Variants in GALNTL6 observed in about 807,000 individuals in gnomAD.
GALNTL6 encodes polypeptide N-acetylgalactosaminyltransferase-like 6.
Under a neutral mutation model 73.7 loss-of-function variants are expected in GALNTL6, and 46 were observed. The observed-to-expected ratio is 0.62, with a 90% CI of 0.49 to 0.80. The LOEUF is 0.80. Ranked by LOEUF, GALNTL6 falls within the 30% of genes least tolerant of loss-of-function variation. The pLI, the probability that GALNTL6 is intolerant of heterozygous loss-of-function variation, is 0.00. For synonymous variants in GALNTL6, 259 were observed against 263.7 expected (o/e 0.98, Z 0.17); for missense variants, 604 against 755.0 (o/e 0.80, Z 2.34).
At chr4:172,898,428 C>A (rs1746445626) in intron 8 of GALNTL6, among the ~76,000 whole-genome samples, 1 of 150,364 alleles carries the variant, frequency 6.7e-6, no homozygotes, top group African/African-American at 2.4e-5. Flanking sequence ...AGGTTATACT[C>A]CAAACTATCA....
chr4:172,042,158 T>A (rs905741404), intron 2 of GALNTL6, among the ~76,000 whole-genome samples: 4 of 152,002 alleles, frequency 2.6e-5, no homozygotes, highest in Non-Finnish European at 4.4e-5. Flanking sequence ...CTATTCCAAC[T>A]CTTAATCCCA....
intron 5 of GALNTL6, among the ~76,000 whole-genome samples, chr4:172,751,937 T>C (rs1185369453): frequency 3.9e-5 from 6 of 152,032 alleles, no homozygotes; most frequent in Non-Finnish European, 8.8e-5. Flanking sequence ...GCAAGAACTC[T>C]TTCATTAAAA....
intron 2 of GALNTL6, among the ~76,000 whole-genome samples, chr4:171,893,814 T>C (rs1736826349): frequency 1.3e-5 from 2 of 152,306 alleles, no homozygotes; most frequent in East Asian, 3.9e-4. Context: ...TACAGACTGC[T>C]AAACTGAAAA....
intron 5 of GALNTL6, among the ~76,000 whole-genome samples, chr4:172,770,836 A>G (rs10025441): frequency 0.48 from 72,915 of 152,024 alleles, 18,322 homozygotes; most frequent in African/African-American, 0.63. Context: ...TTGACATTAA[A>G]TGTTATCATC....
intron 12 of GALNTL6, among the ~76,000 whole-genome samples, chr4:173,023,687 G>C (rs774629334): frequency 4.0e-5 from 6 of 151,892 alleles, no homozygotes; most frequent in Non-Finnish European, 5.9e-5. Flanking sequence ...AAAATCAGTT[G>C]TTATATCCTT....
At chr4:172,260,713 C>T (rs554010842) in intron 3 of GALNTL6, among the ~76,000 whole-genome samples, 1 of 151,598 alleles carries the variant, frequency 6.6e-6, no homozygotes, top group South Asian at 2.1e-4. Flanking sequence ...CAACTTTTCC[C>T]CATTCAGTAT....
At chr4:172,014,924 A>G (rs1741137975) in intron 2 of GALNTL6, among the ~76,000 whole-genome samples, 1 of 152,014 alleles carries the variant, frequency 6.6e-6, no homozygotes, top group Non-Finnish European at 1.5e-5. Flanking sequence ...TACTTGATAT[A>G]ATTTTGACTT....
chr4:172,672,808 C>T (rs1344850510), intron 5 of GALNTL6, among the ~76,000 whole-genome samples: 5 of 152,074 alleles, frequency 3.3e-5, no homozygotes, highest in Non-Finnish European at 7.4e-5. Flanking sequence ...AGTTTGTGTG[C>T]GTAGAGGTGT....
At chr4:171,873,641 T>A (rs936331349) in intron 2 of GALNTL6, among the ~76,000 whole-genome samples, 4 of 152,196 alleles carry the variant, frequency 2.6e-5, no homozygotes, top group African/African-American at 9.6e-5. Context: ...AACTTTATAA[T>A]AGTGATTTAT....
intron 2 of GALNTL6, among the ~76,000 whole-genome samples, chr4:171,889,762 A>T (rs1736709930): frequency 6.6e-6 from 1 of 152,108 alleles, no homozygotes; most frequent in South Asian, 2.1e-4. Context: ...GGTGAAAAAA[A>T]TCTCACTTGC....
intron 5 of GALNTL6, among the ~76,000 whole-genome samples, chr4:172,369,522 G>T (rs563549172): frequency 1.3e-5 from 2 of 152,298 alleles, no homozygotes; most frequent in South Asian, 2.1e-4. Context: ...GCGGAGCAGG[G>T]GGTGGCACCC....
intron 5 of GALNTL6, among the ~76,000 whole-genome samples, chr4:172,773,692 ATGT>A (rs1489774994): frequency 6.6e-6 from 1 of 152,102 alleles, no homozygotes; most frequent in Non-Finnish European, 1.5e-5. Context: ...TGCAAGGTAG[ATGT>A]TGTTATCTTT....
At chr4:172,268,426 G>A (rs1738524984) in intron 3 of GALNTL6, among the ~76,000 whole-genome samples, 1 of 152,294 alleles carries the variant, frequency 6.6e-6, no homozygotes, top group African/African-American at 2.4e-5. Flanking sequence ...ATCCTTCAGT[G>A]TCGTCACTTG....
chr4:172,256,281 C>T (rs1405995460), intron 3 of GALNTL6, among the ~76,000 whole-genome samples: 1 of 151,302 alleles, frequency 6.6e-6, no homozygotes, highest in East Asian at 1.9e-4. Flanking sequence ...ATACATTTTT[C>T]ATCTCCATTG....
At chr4:172,380,789 G>A (rs574171151) in intron 5 of GALNTL6, among the ~76,000 whole-genome samples, 1 of 152,256 alleles carries the variant, frequency 6.6e-6, no homozygotes, top group Non-Finnish European at 1.5e-5. Flanking sequence ...TATTACAATA[G>A]ACATTTAGAA....
chr4:172,231,355 A>G (rs1423924957), intron 3 of GALNTL6, among the ~76,000 whole-genome samples: 1 of 152,220 alleles, frequency 6.6e-6, no homozygotes. Context: ...AGTGCTTTGC[A>G]TATGTATTTT....
chr4:172,933,649 T>TA (rs953154461), intron 9 of GALNTL6, among the ~76,000 whole-genome samples: 5 of 152,214 alleles, frequency 3.3e-5, no homozygotes, highest in African/African-American at 9.6e-5. Context: ...TTTTTTAAGT[T>TA]AAAAAAAGTA....
At chr4:172,086,529 T>C (rs1471110177) in intron 2 of GALNTL6, among the ~76,000 whole-genome samples, 2 of 152,112 alleles carry the variant, frequency 1.3e-5, no homozygotes, top group African/African-American at 2.4e-5. Flanking sequence ...CTATAAACTT[T>C]ATTCCTAACT....
At chr4:172,955,110 T>G (rs552355479) in intron 10 of GALNTL6, among the ~76,000 whole-genome samples, 36 of 152,196 alleles carry the variant, frequency 2.4e-4, no homozygotes, top group Non-Finnish European at 4.9e-4. Context: ...AGTGAAGGAT[T>G]TGAAATGCAG....
Sources: allele counts gnomAD v4.1 joint callset (sites outside exome capture counted in the v4.1 genomes callset), GRCh38; gene constraint gnomAD v4.1.1; transcripts MANE v1.5; gene names NCBI Gene and HGNC (gene_info 2026-07-23, HGNC 2026-07-21).